CAMKMT: variants seen among roughly 807,000 people sequenced by gnomAD.
The protein encoded by CAMKMT is CaM KMT.
Under a neutral mutation model 48.0 loss-of-function variants are expected in CAMKMT, and 53 were observed. The ratio of observed to expected loss-of-function variants is 1.10; its 90% CI spans 0.89 to 1.39. The LOEUF is 1.39. Ranked by LOEUF, CAMKMT falls within the 40% of genes most tolerant of loss-of-function variation. The pLI is 0.00. For missense variants in CAMKMT, 428 were observed against 402.7 expected, an observed-to-expected ratio of 1.06 and a Z score of -0.54; for synonymous variants, 165 against 152.3, an observed-to-expected ratio of 1.08 and a Z score of -0.61.
chr2:44,473,202 T>C (rs1041852370), intron 3 of CAMKMT, among the ~76,000 whole-genome samples: 1 of 152,186 alleles, frequency 6.6e-6, no homozygotes, highest in Non-Finnish European at 1.5e-5. Flanking sequence ...GGCCAACATA[T>C]GTTTTTTTGT....
chr2:44,428,672 G>A (rs963124178), intron 3 of CAMKMT, among the ~76,000 whole-genome samples: 16 of 152,136 alleles, frequency 1.1e-4, no homozygotes, highest in Non-Finnish European at 1.9e-4. Flanking sequence ...TTGTGTATAT[G>A]TATATTTTAT....
chr2:44,563,867 G>T lies in CAMKMT; in HGVS notation c.377-140416G>T, dbSNP rs188917198. On this transcript the variant is annotated intron_variant, in intron 3 of 10. Transcript: ENST00000378494. ...ATATGTGCCACATTTTCTTAATCCA[G>T]TCTGTCATTGATGGACATTTGGGTT... Among the ~76,000 whole-genome samples, 285 of 152,204 alleles carry T rather than the reference G, an allele frequency of 1.9e-3. 1 individual carries two copies. The Middle Eastern group carries it at 0.027, about 15-fold the overall frequency.
chr2:44,545,621 A>G (rs1667353996), intron 3 of CAMKMT, among the ~76,000 whole-genome samples: 1 of 150,470 alleles, frequency 6.6e-6, no homozygotes, highest in South Asian at 2.1e-4. Context: ...GTCTATGGTC[A>G]CAAGATAAGT....
At chr2:44,677,564 T>C (rs1469750550) in intron 3 of CAMKMT, among the ~76,000 whole-genome samples, 1 of 151,966 alleles carries the variant, frequency 6.6e-6, no homozygotes, top group Non-Finnish European at 1.5e-5. Flanking sequence ...AAAAATTAGC[T>C]GGGCATGGTG....
intron 3 of CAMKMT, among the ~76,000 whole-genome samples, chr2:44,540,636 A>T (rs915979360): frequency 6.6e-6 from 1 of 152,142 alleles, no homozygotes; most frequent in East Asian, 1.9e-4. Context: ...CTGTAGTCCC[A>T]GCTACTTGGG....
At chr2:44,487,593 C>A (rs1164712066) in intron 3 of CAMKMT, among the ~76,000 whole-genome samples, 1 of 152,110 alleles carries the variant, frequency 6.6e-6, no homozygotes, top group African/African-American at 2.4e-5. Context: ...ATGACAATGC[C>A]TAAACCAGGT....
intron 3 of CAMKMT, among the ~76,000 whole-genome samples, chr2:44,455,082 G>T (rs752887596): frequency 2.0e-5 from 3 of 152,114 alleles, no homozygotes; most frequent in Non-Finnish European, 4.4e-5. Flanking sequence ...ATAAGCACTT[G>T]AAAGGTATTT....
intron 3 of CAMKMT, among the ~76,000 whole-genome samples, chr2:44,539,615 C>G (rs1389024917): frequency 6.6e-6 from 1 of 152,074 alleles, no homozygotes; most frequent in Admixed American, 6.6e-5. Context: ...TCATGCCTTT[C>G]CTTTGCTTGT....
intron 3 of CAMKMT, among the ~76,000 whole-genome samples, chr2:44,546,512 A>G (rs1377102971): frequency 6.6e-6 from 1 of 152,196 alleles, no homozygotes; most frequent in Non-Finnish European, 1.5e-5. Flanking sequence ...GACATTTGCT[A>G]ATGCTATTCC....
Position 44,532,274 on chromosome 2 carries a change from A to G in CAMKMT, c.376+141969A>G, listed in dbSNP as rs559160303. Among the ~76,000 whole-genome samples the G allele has an allele frequency of 4.6e-5, 7 of 152,346 alleles. No homozygotes were observed. The South Asian group carries it at 1.2e-3, about 27-fold the overall frequency. ...ATGTACAAATGTCTAGGAGATCACA[A>G]TCACTATTACCATATATGGATTATG... is the stretch of plus-strand genomic sequence containing the variant. On this transcript the variant is annotated intron_variant, in intron 3 of 10. Transcript: ENST00000378494.
At chr2:44,516,854 G>A (rs1200371941) in intron 3 of CAMKMT, among the ~76,000 whole-genome samples, 1 of 149,244 alleles carries the variant, frequency 6.7e-6, no homozygotes, top group South Asian at 2.1e-4. Flanking sequence ...CGATTCTCCT[G>A]CCTCAGCCTC....
chr2:44,604,252 G>A (rs1236121313), intron 3 of CAMKMT, among the ~76,000 whole-genome samples: 1 of 152,106 alleles, frequency 6.6e-6, no homozygotes, highest in Non-Finnish European at 1.5e-5. Flanking sequence ...TGTATGTATG[G>A]CTAGAAATTA....
At chr2:44,572,896 C>T (rs563988686) in intron 3 of CAMKMT, among the ~76,000 whole-genome samples, 1 of 152,272 alleles carries the variant, frequency 6.6e-6, no homozygotes, top group East Asian at 1.9e-4. Context: ...TTTACATTCC[C>T]ACCAGCAGAG....
intron 8 of CAMKMT, among the ~76,000 whole-genome samples, chr2:44,747,337 TC>T (rs1230853436): frequency 2.0e-5 from 3 of 152,224 alleles, no homozygotes; most frequent in Admixed American, 1.3e-4. Flanking sequence ...GAATTTGTTT[TC>T]TTTCAGATGC....
chr2:44,388,496 C>A (rs751143987), intron 2 of CAMKMT, among the ~76,000 whole-genome samples: 3 of 152,126 alleles, frequency 2.0e-5, no homozygotes, highest in Non-Finnish European at 4.4e-5. Flanking sequence ...CTCCTGAATT[C>A]TTTTTCAGGT....
At chr2:44,614,222 AGTAAGT>A (rs1178758000) in intron 3 of CAMKMT, among the ~76,000 whole-genome samples, 1 of 152,254 alleles carries the variant, frequency 6.6e-6, no homozygotes, top group Non-Finnish European at 1.5e-5. Context: ...AGCATGAACC[AGTAAGT>A]GTTTCACAGG....
chr2:44,671,350 A>G (rs1374354135), intron 3 of CAMKMT, among the ~76,000 whole-genome samples: 2 of 152,224 alleles, frequency 1.3e-5, no homozygotes. Context: ...TAACAACCTC[A>G]AACATCTTAA....
At chr2:44,722,934 C>A (rs1358089724) in intron 7 of CAMKMT, among the ~76,000 whole-genome samples, 1 of 152,120 alleles carries the variant, frequency 6.6e-6, no homozygotes, top group Non-Finnish European at 1.5e-5. Context: ...ATATACTGGT[C>A]CCCAGCATGA....
intron 6 of CAMKMT, among the ~76,000 whole-genome samples, chr2:44,714,257 G>T (rs1017430073): frequency 1.3e-5 from 2 of 152,192 alleles, no homozygotes; most frequent in Non-Finnish European, 2.9e-5. Context: ...AAGAGTTATA[G>T]TGCCAGGAAG....
Sources: allele counts gnomAD v4.1 joint callset (sites outside exome capture counted in the v4.1 genomes callset), GRCh38; gene constraint gnomAD v4.1.1; transcripts MANE v1.5; gene names NCBI Gene and HGNC (gene_info 2026-07-23, HGNC 2026-07-21).